CYB5R4: variants seen among roughly 807,000 people sequenced by gnomAD.
The protein encoded by CYB5R4 is cytochrome b5 reductase 4.
CYB5R4 carries 55 observed loss-of-function variants against 70.2 expected under a neutral mutation model. That is an observed-to-expected ratio of 0.78 (90% CI 0.63 to 0.98). CYB5R4 has a LOEUF of 0.98. Ranked by LOEUF, CYB5R4 falls within the 50% of genes least tolerant of loss-of-function variation. The pLI, the probability that CYB5R4 is intolerant of heterozygous loss-of-function variation, is 0.00. For missense variants in CYB5R4, 562 were observed against 612.6 expected, an observed-to-expected ratio of 0.92 and a Z score of 0.87; for synonymous variants, 197 against 199.5, an observed-to-expected ratio of 0.99 and a Z score of 0.11.
chr6:83,942,660 G>C (rs2099469954), intron 14 of CYB5R4, among the ~76,000 whole-genome samples: 1 of 152,164 alleles, frequency 6.6e-6, no homozygotes. Context: ...GAGCCAGGTG[G>C]TCTTGCTCAG....
At chr6:83,951,587 A>C (rs1221478555) in intron 14 of CYB5R4, among the ~76,000 whole-genome samples, 2 of 152,182 alleles carry the variant, frequency 1.3e-5, no homozygotes, top group Non-Finnish European at 2.9e-5. Context: ...TTCCAGCTTC[A>C]TCCATGTCCC....
rs61756904 is a variant in CYB5R4 at position 83,938,824 on chromosome 6, C to G, written c.1109-1232C>G. On this transcript the variant is annotated intron_variant, in intron 12 of 15. Transcript: ENST00000369681. ...TTTTTCAAACTATAATGAGGAGCTTCTATTATTATTATTTTTTTTTTTTTG... is the reference window on the plus strand; with the variant it reads ...TTTTTCAAACTATAATGAGGAGCTTGTATTATTATTATTTTTTTTTTTTTG... 6.9e-3 allele frequency among the ~76,000 whole-genome samples: 1,053 copies of G among 151,528 alleles called. 18 individuals carry two copies. The highest frequency in any genetic ancestry group is 0.025 in the African/African-American group (1,015 of 41,194).
At chr6:83,865,104 G>C (rs1182430014) in intron 2 of CYB5R4, among the ~76,000 whole-genome samples, 1 of 152,160 alleles carries the variant, frequency 6.6e-6, no homozygotes, top group East Asian at 1.9e-4. Context: ...TTTGTTGTCA[G>C]TTATCCTGAC....
intron 15 of CYB5R4, among the ~76,000 whole-genome samples, chr6:83,958,782 T>C (rs1190021162): frequency 6.6e-6 from 1 of 152,182 alleles, no homozygotes. Context: ...ATTTGCTGGG[T>C]GTCCTAGGGC....
intron 8 of CYB5R4, among the ~76,000 whole-genome samples, 182 bp from the exon 9 acceptor site, chr6:83,922,256 G>A (rs913315946): frequency 2.6e-5 from 4 of 152,200 alleles, no homozygotes; most frequent in Non-Finnish European, 5.9e-5. Context: ...AATTGAAAAT[G>A]TATGTATTTA....
intron 2 of CYB5R4, among the ~76,000 whole-genome samples, chr6:83,874,154 C>T: frequency 1.7e-5 from 1 of 60,246 alleles, no homozygotes; most frequent in Non-Finnish European, 2.9e-5. Context: ...CCCTCCCCTC[C>T]CTTCCCCTCC....
intron 14 of CYB5R4, among the ~76,000 whole-genome samples, chr6:83,941,210 G>A (rs963226518): frequency 4.6e-5 from 7 of 152,132 alleles, no homozygotes; most frequent in Admixed American, 1.3e-4. Context: ...GGACAGAAAG[G>A]ATAACAAAAG....
intron 3 of CYB5R4, among the ~76,000 whole-genome samples, chr6:83,908,385 T>C (rs2099464143): frequency 6.6e-6 from 1 of 152,200 alleles, no homozygotes; most frequent in African/African-American, 2.4e-5. Flanking sequence ...CTAGTTGCAT[T>C]TGCAAATCAA....
intron 11 of CYB5R4, among the ~76,000 whole-genome samples, chr6:83,935,311 A>G (rs1349534615): frequency 1.3e-5 from 2 of 152,186 alleles, no homozygotes; most frequent in Non-Finnish European, 2.9e-5. Flanking sequence ...TGCAAACGGT[A>G]AAATTCTCCT....
Position 83,961,408 on chromosome 6 carries a change from G to C in CYB5R4, c.*1530G>C, listed in dbSNP as rs919974957. ...TTGTAATTCCCACATGTCGAGGGAG[G>C]GTCTTGGTGGGAGGTGATTGGATCA... On this transcript the variant is annotated 3_prime_UTR_variant, in exon 16 of 16. Transcript: ENST00000369681. 6.6e-6 allele frequency: 1 copy of C among 151,918 alleles called. No homozygotes were observed. Among genetic ancestry groups the C allele is most frequent in the Non-Finnish European group, 1.5e-5 (1 of 68,004 alleles). 9.4% of individuals were successfully genotyped at this position (151,918 alleles called of 1,614,324 possible).
At chr6:83,904,465 G>A (rs1250907840) in intron 3 of CYB5R4, among the ~76,000 whole-genome samples, 1 of 152,094 alleles carries the variant, frequency 6.6e-6, no homozygotes, top group East Asian at 1.9e-4. Flanking sequence ...GTCTGTCATG[G>A]ACAACGTTAT....
chr6:83,876,255 C>G (rs562683903), intron 2 of CYB5R4, among the ~76,000 whole-genome samples: 1 of 152,086 alleles, frequency 6.6e-6, no homozygotes, highest in Non-Finnish European at 1.5e-5. Flanking sequence ...CTTTTGTAGA[C>G]TTTGCACACT....
chr6:83,892,442 G>A lies in CYB5R4; in HGVS notation c.230-1080G>A, dbSNP rs952975929. Among the ~76,000 whole-genome samples, 66 of 152,042 alleles carry A rather than the reference G, an allele frequency of 4.3e-4. 2 individuals are homozygous for A. The highest frequency in any genetic ancestry group is 1.0e-4 in the Non-Finnish European group (7 of 67,996). ...CCTGGATATTTAAAAAAAACCAGTC[G>A]TTGTTATTGCACTTTCGTGATGTCT... On this transcript the variant is annotated intron_variant, in intron 2 of 15. Coordinates refer to ENST00000369681, the MANE Select transcript of CYB5R4 (RefSeq NM_016230.4).
At chr6:83,890,035 T>C (rs759627489) in intron 2 of CYB5R4, among the ~76,000 whole-genome samples, 3 of 152,130 alleles carry the variant, frequency 2.0e-5, no homozygotes, top group African/African-American at 7.2e-5. Context: ...GGGACAGATA[T>C]ACAAACTATA....
In CYB5R4 at chr6:83,948,559, T is replaced by C. The variant is rs561977054; in HGVS notation, c.1347-6739T>C. Among the ~76,000 whole-genome samples the C allele has an allele frequency of 2.2e-4, 33 of 152,320 alleles. No individual in the cohort carries two copies. The South Asian group carries it at 6.4e-3, about 30-fold the overall frequency. ...ACATAGGTAGGCTTAAGATTGTTTT[T>C]TAGAAAAGTATTTCTGATGGTTTTT... On this transcript the variant is annotated intron_variant, in intron 14 of 15. Coordinates refer to ENST00000369681, the MANE Select transcript of CYB5R4 (RefSeq NM_016230.4).
intron 10 of CYB5R4, among the ~76,000 whole-genome samples, chr6:83,929,889 ATATGT>A (rs2099467900): frequency 6.6e-6 from 1 of 152,128 alleles, no homozygotes; most frequent in Non-Finnish European, 1.5e-5. Flanking sequence ...CACAATTTTG[ATATGT>A]TAACAGCCAC....
At chr6:83,912,253 C>G (rs2099464815) in intron 4 of CYB5R4, among the ~76,000 whole-genome samples, 1 of 152,026 alleles carries the variant, frequency 6.6e-6, no homozygotes. Context: ...TGACTCTTTC[C>G]AAATTATCTT....
chr6:83,935,581 C>T (rs57897016), intron 11 of CYB5R4, among the ~76,000 whole-genome samples: 6,423 of 152,084 alleles, frequency 0.042, 466 homozygotes, highest in African/African-American at 0.15. Context: ...TTCAAACATG[C>T]AATGATTCTT....
chr6:83,871,443 C>T (rs1388723074), intron 2 of CYB5R4, among the ~76,000 whole-genome samples: 3 of 152,114 alleles, frequency 2.0e-5, no homozygotes, highest in Non-Finnish European at 2.9e-5. Flanking sequence ...CCTAAATTGT[C>T]ATTCACTCTT....
Sources: gnomAD v4.1 joint callset for allele counts (sites outside exome capture counted in the v4.1 genomes callset) on GRCh38, gnomAD v4.1.1 for gene constraint, MANE v1.5 for transcripts, NCBI Gene and HGNC (gene_info 2026-07-23, HGNC 2026-07-21) for gene names.